The following ADAMTS17 variants were observed in gnomAD, a reference collection of about 807,000 sequenced individuals.
The protein encoded by ADAMTS17 is ADAM metallopeptidase with thrombospondin type 1 motif 17.
In ADAMTS17, 113 loss-of-function variants were observed where a neutral mutation model predicts 141.5. The ratio of observed to expected loss-of-function variants is 0.80; its 90% CI spans 0.69 to 0.93. ADAMTS17 has a LOEUF of 0.93. Ranked by LOEUF, ADAMTS17 falls within the 40% of genes least tolerant of loss-of-function variation. ADAMTS17 has a pLI of 0.00. For missense variants in ADAMTS17, 1,659 were observed against 1,517.9 expected (o/e 1.09, Z -1.54); for synonymous variants, 768 against 630.6 (o/e 1.22, Z -3.27).
chr15:100,094,999 G>A (rs991554239), intron 15 of ADAMTS17, among the ~76,000 whole-genome samples: 2 of 152,204 alleles, frequency 1.3e-5, no homozygotes, highest in Non-Finnish European at 2.9e-5. Flanking sequence ...GTGCAGCAAC[G>A]GAGTACTCAA....
intron 8 of ADAMTS17, among the ~76,000 whole-genome samples, chr15:100,174,547 A>G (rs2040269622): frequency 6.6e-6 from 1 of 152,204 alleles, no homozygotes; most frequent in Non-Finnish European, 1.5e-5. Flanking sequence ...TACTTTTTAA[A>G]TATACTTTTG....
intron 13 of ADAMTS17, among the ~76,000 whole-genome samples, chr15:100,116,331 G>C (rs2141144888): frequency 6.6e-6 from 1 of 152,258 alleles, no homozygotes; most frequent in East Asian, 1.9e-4. Flanking sequence ...CTCTTGGAAA[G>C]AAAATGGGAC....
chr15:100,095,099 G>A (rs543760356), intron 15 of ADAMTS17, among the ~76,000 whole-genome samples: 242 of 152,296 alleles, frequency 1.6e-3, no homozygotes, highest in Non-Finnish European at 2.9e-3. Context: ...GCCAGTGGCT[G>A]CTGAACTGGA....
intron 8 of ADAMTS17, among the ~76,000 whole-genome samples, chr15:100,197,314 C>T (rs1225463394): frequency 6.6e-6 from 1 of 152,210 alleles, no homozygotes; most frequent in Non-Finnish European, 1.5e-5. Context: ...TTTAAATTGA[C>T]TATTCAAAGG....
At chr15:100,177,653 C>T (rs926159918) in intron 8 of ADAMTS17, among the ~76,000 whole-genome samples, 1 of 152,118 alleles carries the variant, frequency 6.6e-6, no homozygotes, top group South Asian at 2.1e-4. Flanking sequence ...AAATGTCCGT[C>T]GGATCCTGTT....
At chr15:100,158,035 C>T (rs574464030) in intron 8 of ADAMTS17, among the ~76,000 whole-genome samples, 10 of 152,208 alleles carry the variant, frequency 6.6e-5, no homozygotes, top group South Asian at 6.2e-4. Flanking sequence ...ACTAGAGGCA[C>T]GCGCCAGCAC....
At chr15:100,157,765 A>G (rs998355272) in intron 8 of ADAMTS17, among the ~76,000 whole-genome samples, 2 of 152,190 alleles carry the variant, frequency 1.3e-5, no homozygotes, top group Admixed American at 1.3e-4. Context: ...GGCAAAAGTC[A>G]CCTCTCGTTA....
chr15:100,102,394 G>A (rs1414535772), intron 14 of ADAMTS17, among the ~76,000 whole-genome samples: 3 of 108,126 alleles, frequency 2.8e-5, no homozygotes, highest in South Asian at 3.3e-4. Context: ...AGGGCCGACC[G>A]AAGGGGATCT....
At chr15:100,060,248 T>A (rs1278393366) in intron 15 of ADAMTS17, among the ~76,000 whole-genome samples, 1 of 152,162 alleles carries the variant, frequency 6.6e-6, no homozygotes, top group East Asian at 1.9e-4. Flanking sequence ...CTTTTGTGGG[T>A]TTTGCTCAGA....
chr15:100,104,327 A>C (rs1000162735), intron 14 of ADAMTS17, among the ~76,000 whole-genome samples: 2 of 152,064 alleles, frequency 1.3e-5, no homozygotes, highest in African/African-American at 4.8e-5. Context: ...TACTTTCCCC[A>C]ATTCCCTCCC....
chr15:100,009,202 G>T (rs1449937345), intron 18 of ADAMTS17, among the ~76,000 whole-genome samples: 1 of 152,128 alleles, frequency 6.6e-6, no homozygotes, highest in Non-Finnish European at 1.5e-5. Context: ...AGAGGAAGAG[G>T]CATGAGACCT....
In ADAMTS17 at chr15:100,068,597, T is replaced by C. The variant is rs556853752; in HGVS notation, c.2138-14543A>G. Among the ~76,000 whole-genome samples, 5 of 152,330 alleles carry C rather than the reference T, an allele frequency of 3.3e-5. No homozygotes were observed. In the East Asian group the frequency reaches 5.8e-4, roughly 18 times the overall value. On this transcript the variant is annotated intron_variant, in intron 15 of 21. Coordinates refer to ENST00000268070, the MANE Select transcript of ADAMTS17 (RefSeq NM_139057.4). The stretch of plus-strand genomic sequence containing the variant: ...GGCAGCAACATCTGCTGTTCACCAA[T>C]ATCCGTTGTTCTGCAGCCTCTGCTG...
In ADAMTS17 at chr15:100,152,741, C is replaced by T. The variant is rs1335145734; in HGVS notation, c.1344G>A (p.Leu448=). 3.1e-6 allele frequency: 5 copies of T among 1,614,170 alleles called. No homozygotes were observed. Among genetic ancestry groups the T allele is most frequent in the Non-Finnish European group, 4.2e-6 (5 of 1,180,046 alleles). The change falls in exon 10 of 22, where the codon TTG becomes TTA. Residue 448 remains leucine (L), a synonymous_variant. Coordinates refer to ENST00000268070, the MANE Select transcript of ADAMTS17 (RefSeq NM_139057.4). The stretch of plus-strand genomic sequence containing the variant: ...GCTGGCTTCTGGGGTCCGTGACTAG[C>T]AAGCAGGTGCTGACTTTTGACCTGA... ...NFLKSKVSTC[L]LVTDPRSQHT... is the part of the protein sequence containing the mutation.
At chr15:100,073,977 A>G (rs1381257855) in intron 15 of ADAMTS17, 3 of 152,188 alleles carry the variant, frequency 2.0e-5, no homozygotes, top group Non-Finnish European at 4.4e-5. Flanking sequence ...TCCTTTTATA[A>G]TATGTCATAT....
intron 15 of ADAMTS17, among the ~76,000 whole-genome samples, chr15:100,088,878 G>T (rs915147377): frequency 2.0e-5 from 3 of 151,892 alleles, no homozygotes; most frequent in Non-Finnish European, 4.4e-5. Context: ...ACCTAAACCA[G>T]AAAAACCCTA....
In ADAMTS17 at chr15:100,116,978, C is replaced by G. The variant is rs1373511081; in HGVS notation, c.1757G>C (p.Ser586Thr). The change falls in exon 13 of 22, where the codon AGT becomes ACT. Residue 586 changes from serine (S) to threonine (T), a missense_variant. Coordinates refer to ENST00000268070, the MANE Select transcript of ADAMTS17 (RefSeq NM_139057.4). Reference protein sequence around the residue: ...GPGGTHCPGASVEHAVCENLP... With the variant: ...GPGGTHCPGATVEHAVCENLP... Reference sequence around the variant, plus strand: ...GTTCTCGCAGACCGCATGTTCTACACTGGCACCCGGGCAGTGTGTGCCTCC... The same window carrying G: ...GTTCTCGCAGACCGCATGTTCTACAGTGGCACCCGGGCAGTGTGTGCCTCC... 6.2e-7 allele frequency: 1 copy of G among 1,613,692 alleles called. No homozygotes were observed. Among genetic ancestry groups the G allele is most frequent in the Non-Finnish European group, 8.5e-7 (1 of 1,179,886 alleles).
chr15:100,150,572 C>T (rs2039114121), intron 10 of ADAMTS17, among the ~76,000 whole-genome samples: 2 of 152,178 alleles, frequency 1.3e-5, no homozygotes, highest in Admixed American at 1.3e-4. Context: ...GTACAAGTGC[C>T]TTCCTCCCTC....
chr15:100,057,853 T>C (rs2032723257), intron 15 of ADAMTS17, among the ~76,000 whole-genome samples: 2 of 152,006 alleles, frequency 1.3e-5, no homozygotes, highest in South Asian at 4.2e-4. Flanking sequence ...GAGAAACCGT[T>C]TCTCCTGTGA....
chr15:100,189,667 T>C (rs2040847704), intron 8 of ADAMTS17, among the ~76,000 whole-genome samples: 1 of 152,198 alleles, frequency 6.6e-6, no homozygotes, highest in Non-Finnish European at 1.5e-5. Context: ...AGGCGTCTTG[T>C]CACTTGTCTT....
Sources: gnomAD v4.1 joint callset for allele counts (sites outside exome capture counted in the v4.1 genomes callset) on GRCh38, gnomAD v4.1.1 for gene constraint, MANE v1.5 for transcripts, NCBI Gene and HGNC (gene_info 2026-07-23, HGNC 2026-07-21) for gene names.